The following SNX25 variants were observed in gnomAD, a reference collection of about 807,000 sequenced individuals.
SNX25 encodes the protein sorting nexin-25.
Under a neutral mutation model 113.7 loss-of-function variants are expected in SNX25, and 62 were observed. That is an observed-to-expected ratio of 0.55 (90% CI 0.44 to 0.67). SNX25 has a LOEUF of 0.67. Ranked by LOEUF, SNX25 falls within the 30% of genes least tolerant of loss-of-function variation. The probability of loss-of-function intolerance (pLI) is 0.00; values close to 1 mark genes in which losing one functional copy is unlikely to be tolerated. For missense variants in SNX25, 1,014 were observed against 1,161.0 expected, an observed-to-expected ratio of 0.87 and a Z score of 1.84; for synonymous variants, 421 against 436.2, an observed-to-expected ratio of 0.97 and a Z score of 0.43.
chr4:185,236,070 C>T (rs973708437), intron 1 of SNX25, among the ~76,000 whole-genome samples: 5 of 152,110 alleles, frequency 3.3e-5, no homozygotes, highest in South Asian at 2.1e-4. Context: ...GGTCGGTTTC[C>T]GGGCAACATA....
At chr4:185,222,518 G>A (rs926890918) in intron 1 of SNX25, among the ~76,000 whole-genome samples, 3 of 150,968 alleles carry the variant, frequency 2.0e-5, no homozygotes, top group Non-Finnish European at 3.0e-5. Flanking sequence ...CCCCTCCCTC[G>A]CGGTAGGTAT....
rs1309353418 is a variant in SNX25, at chr4:185,218,482, G to T, written c.429+8227G>T. Among the ~76,000 whole-genome samples, 3 of 152,328 alleles carry T rather than the reference G, an allele frequency of 2.0e-5. No individual in the cohort carries two copies. In the East Asian group the frequency reaches 5.8e-4, roughly 29 times the overall value. ...CCTCTCAGCCCAGGTGCTGCTTTGGGAGAAGGCAGCTAGGTGTGTGAGGTA... is the reference window on the plus strand; with the variant it reads ...CCTCTCAGCCCAGGTGCTGCTTTGGTAGAAGGCAGCTAGGTGTGTGAGGTA... On this transcript the variant is annotated intron_variant, in intron 1 of 18. Transcript: ENST00000652585.
intron 14 of SNX25, among the ~76,000 whole-genome samples, chr4:185,352,071 T>C (rs111547969): frequency 6.6e-6 from 1 of 152,100 alleles, no homozygotes; most frequent in Non-Finnish European, 1.5e-5. Flanking sequence ...GCTGAGAGTT[T>C]AGGCTGTATT....
At chr4:185,287,390 G>A (rs370845741) in intron 5 of SNX25, among the ~76,000 whole-genome samples, 11 of 152,264 alleles carry the variant, frequency 7.2e-5, no homozygotes, top group African/African-American at 1.9e-4. Context: ...GGTTGGGACC[G>A]TGTTCTAAAT....
intron 2 of SNX25, among the ~76,000 whole-genome samples, chr4:185,250,413 G>T (rs1745473294): frequency 1.3e-5 from 2 of 152,174 alleles, no homozygotes; most frequent in Admixed American, 1.3e-4. Context: ...AGTTGGCAAT[G>T]AATTTGAGAA....
At chr4:185,288,141 C>G in intron 6 of SNX25, 59 bp downstream of exon 6, 1 of 1,335,362 alleles carries the variant, frequency 7.5e-7, no homozygotes, top group Non-Finnish European at 1.1e-6. Context: ...GATCCCCGGC[C>G]TTCTCCCACC....
intron 1 of SNX25, among the ~76,000 whole-genome samples, chr4:185,231,124 T>C (rs6846817): frequency 0.66 from 97,395 of 147,812 alleles, 32,140 homozygotes; most frequent in East Asian, 0.75. Flanking sequence ...TTTGAGACAG[T>C]GTTTCGCTCT....
At chr4:185,279,771 T>C (rs748598564) in intron 5 of SNX25, among the ~76,000 whole-genome samples, 11 of 152,188 alleles carry the variant, frequency 7.2e-5, no homozygotes, top group Admixed American at 1.3e-4. Context: ...AATTTTGTAG[T>C]GTGGAAATGG....
intron 2 of SNX25, among the ~76,000 whole-genome samples, chr4:185,248,368 A>T (rs1298184582): frequency 6.6e-6 from 1 of 152,202 alleles, no homozygotes; most frequent in African/African-American, 2.4e-5. Flanking sequence ...TTTTTAGAGT[A>T]CAGGATTGGC....
At chr4:185,321,607 G>C (rs1244528269) in intron 8 of SNX25, among the ~76,000 whole-genome samples, 1 of 151,996 alleles carries the variant, frequency 6.6e-6, no homozygotes, top group African/African-American at 2.4e-5. Context: ...AAATTATTTT[G>C]GGGTACACAT....
In SNX25 at chr4:185,351,448, C is replaced by T. The variant is rs373150211; in HGVS notation, c.2305C>T (p.Leu769=). 2.2e-5 allele frequency: 35 copies of T among 1,613,140 alleles called. No homozygotes were observed. The Admixed American group carries it at 2.8e-4, about 13-fold the overall frequency. ...GTTAATCCTCTTTCTTCCATAGAAT[C>T]TGCTTTCAGATGAAAGACTGTGTCA... ...KNQLNKFLQN[L]LSDERLCQSE... Residue 769 remains leucine, a synonymous_variant, in exon 14 of 19, where the codon CTG becomes TTG. Transcript: ENST00000652585.
Position 185,334,025 on chromosome 4 carries a change from G to A in SNX25, c.1914+1266G>A, listed in dbSNP as rs568026267. On this transcript the variant is annotated intron_variant, in intron 10 of 18. Transcript: ENST00000652585. The surrounding 1 kb of genome is among the most constrained non-coding windows in gnomAD (Gnocchi z 4.2). Reference sequence around the variant, plus strand: ...GATCATGTTACTGCACTCCAGACTGGGCAATAGTCTCAAAAAAAAAAAAAA... The same window carrying A: ...GATCATGTTACTGCACTCCAGACTGAGCAATAGTCTCAAAAAAAAAAAAAA... Among the ~76,000 whole-genome samples, 3 of 148,896 alleles carry A rather than the reference G, an allele frequency of 2.0e-5. No homozygotes were observed. The East Asian group carries it at 5.9e-4, about 29-fold the overall frequency.
At chr4:185,378,227 A>G in the SNX25 span, 1 of 1,603,750 alleles carries the variant, frequency 6.2e-7, no homozygotes, top group Admixed American at 1.8e-5. Context: ...AGAAGAAAAA[A>G]TAAGTGGTAG....
At chr4:185,224,091 G>A (rs1740445387) in intron 1 of SNX25, among the ~76,000 whole-genome samples, 2 of 152,074 alleles carry the variant, frequency 1.3e-5, no homozygotes, top group African/African-American at 2.4e-5. Flanking sequence ...AGTGGCTCAC[G>A]CCTGTAATCC....
chr4:185,223,502 G>T (rs1379083760), intron 1 of SNX25, among the ~76,000 whole-genome samples: 1 of 152,148 alleles, frequency 6.6e-6, no homozygotes, highest in Non-Finnish European at 1.5e-5. Flanking sequence ...CTAGTGGTGT[G>T]CTCTTAGAAG....
intron 6 of SNX25, among the ~76,000 whole-genome samples, chr4:185,290,388 A>G (rs923916420): frequency 6.6e-6 from 1 of 152,192 alleles, no homozygotes; most frequent in Non-Finnish European, 1.5e-5. Flanking sequence ...AGCACTGAGG[A>G]AAAGACAAAC....
At chr4:185,247,471 T>G in intron 2 of SNX25, 93 bp downstream of exon 2, 1 of 965,010 alleles carries the variant, frequency 1.0e-6, no homozygotes, top group Non-Finnish European at 1.6e-6. Context: ...TTATTCTTCT[T>G]GTCTGCATGT....
chr4:185,249,548 T>A (rs1386721990), intron 2 of SNX25, among the ~76,000 whole-genome samples: 1 of 152,206 alleles, frequency 6.6e-6, no homozygotes, highest in East Asian at 1.9e-4. Flanking sequence ...TCCTAGTTTG[T>A]GAGTTGCCTT....
chr4:185,335,462 T>G (rs891954422), intron 10 of SNX25, among the ~76,000 whole-genome samples: 1 of 152,176 alleles, frequency 6.6e-6, no homozygotes, highest in Non-Finnish European at 1.5e-5. Context: ...CTTTTCTGGA[T>G]TAAATATCTA....
Sources: gnomAD v4.1 joint callset for allele counts (sites outside exome capture counted in the v4.1 genomes callset) on GRCh38, gnomAD v4.1.1 for gene constraint, Gnocchi (gnomAD v3.1) non-coding constraint, MANE v1.5 for transcripts, NCBI Gene and HGNC (gene_info 2026-07-23, HGNC 2026-07-21) for gene names.